Variants in MMP21 observed in about 807,000 individuals in gnomAD.
The protein encoded by MMP21 is matrix metallopeptidase 21, also known as matrix metalloproteinase-21.
A neutral mutation model predicts 47.8 loss-of-function variants in MMP21; 40 were observed. The ratio of observed to expected loss-of-function variants is 0.84; its 90% CI spans 0.65 to 1.09. The LOEUF (loss-of-function observed/expected upper bound fraction) is 1.09. Ranked by LOEUF, MMP21 falls within the 50% of genes least tolerant of loss-of-function variation. The pLI, the probability that MMP21 is intolerant of heterozygous loss-of-function variation, is 0.00. For synonymous variants in MMP21, 341 were observed against 318.0 expected (o/e 1.07, Z -0.77); for missense variants, 747 against 775.3 (o/e 0.96, Z 0.43).
Position 125,774,199 on chromosome 10 carries a change from G to T in MMP21, c.329C>A (p.Ala110Glu). Residue 110 changes from alanine to glutamate, a missense_variant, in exon 2 of 7, where the codon GCG becomes GAG. Coordinates refer to ENST00000368808, the MANE Select transcript of MMP21 (RefSeq NM_147191.1). ...CCCGCAGCGCGGCCGGTTCATGGCC[G>T]CTAGGGTGGCCGCGTCCAGCTCCCC... Reference protein sequence around the residue: ...ASGELDAATLAAMNRPRCGVP... With the variant: ...ASGELDAATLEAMNRPRCGVP... 2 of 1,350,986 alleles carry T rather than the reference G, an allele frequency of 1.5e-6. No homozygotes were observed. The highest frequency in any genetic ancestry group is 1.9e-6 in the Non-Finnish European group (2 of 1,055,874). The allele number at this position is 1,350,986 out of a possible 1,614,324, so 83.7% of individuals were successfully genotyped here.
In MMP21 at chr10:125,766,742, T is replaced by A; in HGVS notation, c.1630A>T (p.Asn544Tyr). ...DKQQNSWLPANGLFPKKFISE... is the reference protein window; with the variant it reads ...DKQQNSWLPAYGLFPKKFISE... ...ATAAACTTTTTTGGAAATAAGCCATTAGCAGGAAGCCAGGAATTCTGTTGT... is the reference window on the plus strand; with the variant it reads ...ATAAACTTTTTTGGAAATAAGCCATAAGCAGGAAGCCAGGAATTCTGTTGT... Residue 544 changes from asparagine (N) to tyrosine (Y), a missense_variant, in exon 7 of 7, where the codon AAT (asparagine) becomes TAT (tyrosine). By Grantham distance (143) the Asn-to-Tyr change is moderately radical (BLOSUM62 -2). Coordinates refer to ENST00000368808, the MANE Select transcript of MMP21 (RefSeq NM_147191.1). 1 of 1,613,998 alleles carries A rather than the reference T, an allele frequency of 6.2e-7. No individual in the cohort carries two copies. Among genetic ancestry groups the A allele is most frequent in the Non-Finnish European group, 8.5e-7 (1 of 1,179,980 alleles).
intron 4 of MMP21, 58 bp from the exon 5 acceptor site, chr10:125,770,649 T>G: frequency 6.3e-7 from 1 of 1,575,484 alleles, no homozygotes; most frequent in South Asian, 1.2e-5. Context: ...AAACTTATAT[T>G]TTCATATGTG....
chr10:125,773,059 G>A lies in MMP21; in HGVS notation c.698-309C>T, dbSNP rs1010480630. Among the ~76,000 whole-genome samples the A allele has an allele frequency of 3.9e-5, 6 of 152,232 alleles. No homozygotes were observed. The highest frequency in any genetic ancestry group is 1.2e-4 in the African/African-American group (5 of 41,462). ...GCCTCACCCGGACAAGATCGGGGCCGGATCCTCGCCTCTGCGGAGGTCGTG... is the reference window on the plus strand; with the variant it reads ...GCCTCACCCGGACAAGATCGGGGCCAGATCCTCGCCTCTGCGGAGGTCGTG... On this transcript the variant is annotated intron_variant, in intron 2 of 6. Coordinates refer to ENST00000368808, the MANE Select transcript of MMP21 (RefSeq NM_147191.1). This position sits in a 1 kb window ranked among gnomAD's most constrained non-coding sequence, Gnocchi z 4.8.
Position 125,770,455 on chromosome 10 carries a change from A to G in MMP21, c.1116T>C (p.Asn372=), listed in dbSNP as rs1465563728. Residue 372 remains asparagine (N), a synonymous_variant, in exon 5 of 7, where the codon AAT becomes AAC. Coordinates refer to ENST00000368808, the MANE Select transcript of MMP21 (RefSeq NM_147191.1). The part of the protein sequence containing the change: ...SWYWLYENRN[N]RTRYGDPIQI... ...GGATAGGGTCCCCATAGCGTGTCCTATTGTTTCGATTTTCATAAAGCCAGT... is the reference window on the plus strand; with the variant it reads ...GGATAGGGTCCCCATAGCGTGTCCTGTTGTTTCGATTTTCATAAAGCCAGT... 3.1e-6 allele frequency: 5 copies of G among 1,614,198 alleles called. No individual in the cohort carries two copies. Among genetic ancestry groups the G allele is most frequent in the East Asian group, 2.2e-5 (1 of 44,888 alleles).
At position 125,775,778 on chromosome 10, in the gene MMP21, C is replaced by T. The variant is rs1363564231; in HGVS notation, c.44G>A (p.Trp15Ter). 1 of 1,613,106 alleles carries T rather than the reference C, an allele frequency of 6.2e-7. No homozygotes were observed. The highest frequency in any genetic ancestry group is 1.1e-5 in the South Asian group (1 of 90,948). ...SIFRPTLLLC[W>*]LAAPWPTQPE... ...CTGGGTGGGCCAGGGAGCAGCCAGC[C>T]AGCAGAGCAGCAGTGTCGGACGGAA... is the stretch of plus-strand genomic sequence containing the variant. The change falls in exon 1 of 7, where the codon TGG (tryptophan) becomes TAG (stop). Residue 15 changes from tryptophan (W) to a stop codon, truncating the protein, a stop_gained. Coordinates refer to ENST00000368808, the MANE Select transcript of MMP21 (RefSeq NM_147191.1). LOFTEE classifies it high-confidence loss of function.
At chr10:125,775,638 T>C in intron 1 of MMP21, 22 bp downstream of exon 1, 1 of 1,586,276 alleles carries the variant, frequency 6.3e-7, no homozygotes, top group South Asian at 1.1e-5. Flanking sequence ...GGGGTATTGC[T>C]GTTCTTCCAG....
chr10:125,768,744 T>C (rs1179172906), intron 5 of MMP21, among the ~76,000 whole-genome samples: 1 of 152,256 alleles, frequency 6.6e-6, no homozygotes, highest in Non-Finnish European at 1.5e-5. Flanking sequence ...AGTTACCCTA[T>C]GATGACCTAA....
At chr10:125,769,355 C>T (rs1052144733) in intron 5 of MMP21, among the ~76,000 whole-genome samples, 1 of 152,182 alleles carries the variant, frequency 6.6e-6, no homozygotes, top group Non-Finnish European at 1.5e-5. Context: ...TGGCTCGTGG[C>T]CTGCTCAGTG....
chr10:125,770,395 G>A lies in MMP21; in HGVS notation c.1176C>T (p.His392=), dbSNP rs1446529277. The A allele has an allele frequency of 1.2e-5, 19 of 1,614,016 alleles. No homozygotes were observed. The highest frequency in any genetic ancestry group is 1.6e-4 in the Middle Eastern group (1 of 6,084). ...AGATGTGAACAAAGGCATCTATGTTGTGTGTTGGGATTCCAGGCCAGCCAG... is the reference window on the plus strand; with the variant it reads ...AGATGTGAACAAAGGCATCTATGTTATGTGTTGGGATTCCAGGCCAGCCAG... The part of the protein sequence containing the change: ...ILTGWPGIPT[H]NIDAFVHIWT... The change falls in exon 5 of 7, where the codon CAC becomes CAT. Residue 392 remains histidine (H), a synonymous_variant. Coordinates refer to ENST00000368808, the MANE Select transcript of MMP21 (RefSeq NM_147191.1).
In MMP21 at chr10:125,766,833, A is replaced by G. The variant is rs948481222; in HGVS notation, c.1539T>C (p.Tyr513=). The G allele has an allele frequency of 9.3e-6, 15 of 1,613,976 alleles. No homozygotes were observed. Among genetic ancestry groups the G allele is most frequent in the Non-Finnish European group, 1.3e-5 (15 of 1,179,960 alleles). The change falls in exon 7 of 7, where the codon TAT becomes TAC. Residue 513 remains tyrosine, a synonymous_variant. Transcript: ENST00000368808. Reference sequence around the variant, plus strand: ...TGAAAAAGAAAATGGAGTTGTATGCATAGGAGTAATAAGCGGAATCTATAT... The same window carrying G: ...TGAAAAAGAAAATGGAGTTGTATGCGTAGGAGTAATAAGCGGAATCTATAT... ...FRNIDSAYYS[Y]AYNSIFFFKG... is the part of the protein sequence containing the mutation.
chr10:125,766,509 T>C lies in MMP21; in HGVS notation c.*153A>G, dbSNP rs556695047. 45 of 589,584 alleles carry C rather than the reference T, an allele frequency of 7.6e-5. No individual in the cohort carries two copies. Among genetic ancestry groups the C allele is most frequent in the Non-Finnish European group, 1.2e-4 (43 of 356,522 alleles). The allele number at this position is 589,584 out of a possible 1,614,324, so 36.5% of individuals were successfully genotyped here. On this transcript the variant is annotated 3_prime_UTR_variant, in exon 7 of 7. Coordinates refer to ENST00000368808, the MANE Select transcript of MMP21 (RefSeq NM_147191.1). ...TTTTGCCTGAGCAATTGTTTTTAAA[T>C]CAAGTATTTTAAAAGTTCAACTAAG...
rs1011292535 is a variant in MMP21, at chr10:125,773,223, G to A, written c.698-473C>T. On this transcript the variant is annotated intron_variant, in intron 2 of 6. Coordinates refer to ENST00000368808, the MANE Select transcript of MMP21 (RefSeq NM_147191.1). This position sits in a 1 kb window ranked among gnomAD's most constrained non-coding sequence, Gnocchi z 4.8. ...CGGGTCACAGATGGGGCTGCAAAGCGGCTTGTCTGCTTGCTGCTTGTCTCT... is the reference window on the plus strand; with the variant it reads ...CGGGTCACAGATGGGGCTGCAAAGCAGCTTGTCTGCTTGCTGCTTGTCTCT... Among the ~76,000 whole-genome samples the A allele has an allele frequency of 5.9e-5, 9 of 152,088 alleles. No individual in the cohort carries two copies. Among genetic ancestry groups the A allele is most frequent in the Non-Finnish European group, 1.0e-4 (7 of 68,016 alleles).
At chr10:125,769,203 C>T (rs759265318) in intron 5 of MMP21, among the ~76,000 whole-genome samples, 11 of 152,108 alleles carry the variant, frequency 7.2e-5, no homozygotes, top group African/African-American at 2.2e-4. Context: ...TGGATGAGAC[C>T]GGGTGTGAAT....
At position 125,774,023 on chromosome 10, in the gene MMP21, G is replaced by A; in HGVS notation, c.505C>T (p.Gln169Ter). 3 of 1,515,894 alleles carry A rather than the reference G, an allele frequency of 2.0e-6. No homozygotes were observed. Among genetic ancestry groups the A allele is most frequent in the Non-Finnish European group, 2.6e-6 (3 of 1,138,558 alleles). 93.9% of individuals were successfully genotyped at this position (1,515,894 alleles called of 1,614,324 possible). A position where few individuals can be genotyped will look rare whatever the true frequency, so the allele number is the denominator to read the frequency against. ...PRGYPDGGAAQAFSKRTLSWR... is the reference protein window; with the variant it reads ...PRGYPDGGAA The stretch of plus-strand genomic sequence containing the variant: ...CTCAGCGTCCTCTTGGAGAAGGCCT[G>A]GGCAGCTCCGCCGTCGGGGTAGCCC... The change falls in exon 2 of 7, where the codon CAG becomes TAG. Residue 169 changes from glutamine to a stop codon, truncating the protein, a stop_gained. Coordinates refer to ENST00000368808, the MANE Select transcript of MMP21 (RefSeq NM_147191.1). LOFTEE classifies it high-confidence loss of function.
At chr10:125,767,241 C>G (rs1308081590) in intron 6 of MMP21, among the ~76,000 whole-genome samples, 3 of 152,004 alleles carry the variant, frequency 2.0e-5, no homozygotes, top group Non-Finnish European at 2.9e-5. Context: ...CTCAAGTGAT[C>G]CTCTTGCCTT....
In MMP21 at chr10:125,767,596, C is replaced by T; in HGVS notation, c.1346G>A (p.Ser449Asn). ...GTCATAAAACGCCGTGTCTAGGGGACTTGGGATGCCAGGAAATCCTTCTGA... is the reference window on the plus strand; with the variant it reads ...GTCATAAAACGCCGTGTCTAGGGGATTTGGGATGCCAGGAAATCCTTCTGA... The part of the protein sequence containing the change: ...LISEGFPGIP[S>N]PLDTAFYDRR... Residue 449 changes from serine (S) to asparagine (N), a missense_variant, in exon 6 of 7, where the codon AGT becomes AAT. Coordinates refer to ENST00000368808, the MANE Select transcript of MMP21 (RefSeq NM_147191.1). 6.2e-7 allele frequency: 1 copy of T among 1,614,170 alleles called. No individual in the cohort carries two copies. The highest frequency in any genetic ancestry group is 1.1e-5 in the South Asian group (1 of 91,082).
intron 4 of MMP21, among the ~76,000 whole-genome samples, chr10:125,770,889 G>T (rs1242172325): frequency 1.3e-5 from 2 of 152,074 alleles, no homozygotes; most frequent in Non-Finnish European, 2.9e-5. Flanking sequence ...GGGCATGGTG[G>T]CACGTGCCTG....
rs1250997866 is a variant in MMP21, at chr10:125,770,735, G to A, written c.980-144C>T. ...AAGCAAGACACCATGTAAGGCTGAA[G>A]TGGGGCCAGGTGCAGTGGCGCATGC... On this transcript the variant is annotated intron_variant, in intron 4 of 6. Coordinates refer to ENST00000368808, the MANE Select transcript of MMP21 (RefSeq NM_147191.1). The A allele has an allele frequency of 4.7e-6, 4 of 857,894 alleles. No individual in the cohort carries two copies. In the East Asian group the frequency reaches 1.1e-4, roughly 23 times the overall value. The allele number at this position is 857,894 out of a possible 1,614,324, so 53.1% of individuals were successfully genotyped here. A position where few individuals can be genotyped will look rare whatever the true frequency, so the allele number is the denominator to read the frequency against.
intron 5 of MMP21, among the ~76,000 whole-genome samples, chr10:125,768,973 TAA>T (rs1294446534): frequency 6.6e-6 from 1 of 152,172 alleles, no homozygotes; most frequent in Non-Finnish European, 1.5e-5. Flanking sequence ...AATTTGCATA[TAA>T]AGTTCATTCA....
Sources: gnomAD v4.1 joint callset for allele counts (sites outside exome capture counted in the v4.1 genomes callset) on GRCh38, gnomAD v4.1.1 for gene constraint, Gnocchi (gnomAD v3.1) non-coding constraint, MANE v1.5 for transcripts, NCBI Gene and HGNC (gene_info 2026-07-23, HGNC 2026-07-21) for gene names.